Variants in SNN observed in about 807,000 individuals in gnomAD.
The protein encoded by SNN is stannin, also known as AG8_1.
SNN carries 5 observed loss-of-function variants against 5.3 expected under a neutral mutation model. The ratio of observed to expected loss-of-function variants is 0.94; its 90% confidence interval spans 0.49 to 1.97. SNN has a LOEUF of 1.97. Ranked by LOEUF, SNN falls within the 30% of genes most tolerant of loss-of-function variation. The pLI, the probability that SNN is intolerant of heterozygous loss-of-function variation, is 0.01. For missense variants in SNN, 127 were observed against 121.6 expected (o/e 1.04, Z -0.21); for synonymous variants, 67 against 52.1 (o/e 1.29, Z -1.24).
chr16:11,676,124 T>A lies in SNN; in HGVS notation c.65T>A (p.Ile22Asn). ...ACAGTCATCGTCATCCTCATTGCCA[T>A]CGCGGCCCTGGGGGCCTTGATCCTG... ...VVTVIVILIA[I>N]AALGALILGC... Residue 22 changes from isoleucine to asparagine, a missense_variant, in exon 2 of 2, where the codon ATC becomes AAC. Ile to Asn is a moderately radical substitution (Grantham distance 149, BLOSUM62 -3). Coordinates refer to ENST00000329565, the MANE Select transcript of SNN (RefSeq NM_003498.6). 1 of 1,614,140 alleles carries A rather than the reference T, an allele frequency of 6.2e-7. No individual in the cohort carries two copies. The highest frequency in any genetic ancestry group is 8.5e-7 in the Non-Finnish European group (1 of 1,179,996).
At chr16:11,670,156 G>A (rs1238428518) in intron 1 of SNN, among the ~76,000 whole-genome samples, 1 of 152,004 alleles carries the variant, frequency 6.6e-6, no homozygotes, top group Non-Finnish European at 1.5e-5. Flanking sequence ...GGCAGGAAAC[G>A]TTTCTGGTTT....
chr16:11,678,925 GAA>G lies in SNN; in HGVS notation c.*2600_*2601del. 2.3e-6 allele frequency: 1 copy of G among 438,160 alleles called. No individual in the cohort carries two copies. The highest frequency in any genetic ancestry group is 4.2e-6 in the Non-Finnish European group (1 of 236,858). 27.1% of individuals were successfully genotyped at this position (438,160 alleles called of 1,614,324 possible). A position where few individuals can be genotyped will look rare whatever the true frequency, so the allele number is the denominator to read the frequency against. The stretch of plus-strand genomic sequence containing the variant: ...AAGCAACAGTGGGGGCACAGGGAGG[GAA>G]CTCTTGACACTGAGCCACTAAAATA... On this transcript the variant is annotated 3_prime_UTR_variant, in exon 2 of 2. Transcript: ENST00000329565.
chr16:11,674,010 G>A (rs2050282647), intron 1 of SNN, among the ~76,000 whole-genome samples: 1 of 152,208 alleles, frequency 6.6e-6, no homozygotes, highest in South Asian at 2.1e-4. Context: ...CAGACGCTGG[G>A]GGCGTTGACT....
chr16:11,673,547 G>A (rs2050279454), intron 1 of SNN, among the ~76,000 whole-genome samples: 1 of 152,224 alleles, frequency 6.6e-6, no homozygotes, highest in South Asian at 2.1e-4. Context: ...ATAGGTGCCA[G>A]CAATATCCAT....
chr16:11,673,433 C>T (rs1470047901), intron 1 of SNN, among the ~76,000 whole-genome samples: 2 of 152,310 alleles, frequency 1.3e-5, no homozygotes, highest in Non-Finnish European at 1.5e-5. Flanking sequence ...AGGGAAGGAG[C>T]CCGGCCGGGT....
rs1319653588 is a variant in SNN, at chr16:11,671,510, C to T, written c.-86+2970C>T. 4.6e-5 allele frequency among the ~76,000 whole-genome samples: 7 copies of T among 152,244 alleles called. No individual in the cohort carries two copies. Among genetic ancestry groups the T allele is most frequent in the Admixed American group, 2.0e-4 (3 of 15,282 alleles). On this transcript the variant is annotated intron_variant, in intron 1 of 1. Coordinates refer to ENST00000329565, the MANE Select transcript of SNN (RefSeq NM_003498.6). The surrounding 1 kb of genome is among the most constrained non-coding windows in gnomAD (Gnocchi z 4.7). ...GCTTTTTGCTTCACCTCCCTGCGTG[C>T]GCCTCAGTTTCCTCACCTGCCAGAT... is the stretch of plus-strand genomic sequence containing the variant.
intron 1 of SNN, among the ~76,000 whole-genome samples, chr16:11,675,491 T>C (rs972867575): frequency 1.3e-5 from 2 of 152,152 alleles, no homozygotes; most frequent in Non-Finnish European, 2.9e-5. Flanking sequence ...GGTCTCAAAC[T>C]CCTGGGCTCA....
intron 1 of SNN, among the ~76,000 whole-genome samples, chr16:11,670,336 T>G (rs2050259209): frequency 6.6e-6 from 1 of 152,040 alleles, no homozygotes. Flanking sequence ...GGGGGTGTTT[T>G]GCTGGTGGTG....
In SNN at chr16:11,678,843, G is replaced by T; in HGVS notation, c.*2517G>T. 3.9e-6 allele frequency: 1 copy of T among 257,936 alleles called. No individual in the cohort carries two copies. The highest frequency in any genetic ancestry group is 8.0e-6 in the Non-Finnish European group (1 of 124,476). 16.0% of individuals were successfully genotyped at this position (257,936 alleles called of 1,614,324 possible). A position where few individuals can be genotyped will look rare whatever the true frequency, so the allele number is the denominator to read the frequency against. ...GATTATTTTTGAATGCCCAACTGTT[G>T]CATTCAAGTTTTCTGACTAATAAGA... On this transcript the variant is annotated 3_prime_UTR_variant, in exon 2 of 2. Coordinates refer to ENST00000329565, the MANE Select transcript of SNN (RefSeq NM_003498.6).
intron 1 of SNN, among the ~76,000 whole-genome samples, chr16:11,675,591 C>T (rs551828092): frequency 6.6e-6 from 1 of 152,356 alleles, no homozygotes; most frequent in African/African-American, 2.4e-5. Context: ...AAACCCCCAT[C>T]TCTGGCCATT....
chr16:11,675,826 C>CTGGGTGAGCG (rs1221254483), intron 1 of SNN, 149 bp from the exon 2 acceptor site: 5 of 487,778 alleles, frequency 1.0e-5, no homozygotes, highest in Non-Finnish European at 1.8e-5. Context: ...TGAACAGGAG[C>CTGGGTGAGCG]TGGGTGAGCG....
chr16:11,669,216 G>A (rs1227430501), intron 1 of SNN, among the ~76,000 whole-genome samples: 2 of 152,252 alleles, frequency 1.3e-5, no homozygotes, highest in East Asian at 1.9e-4. Flanking sequence ...AGGGTGGAAC[G>A]GGAGGGTGCG....
At chr16:11,669,407 G>A (rs2050251896) in intron 1 of SNN, among the ~76,000 whole-genome samples, 1 of 152,272 alleles carries the variant, frequency 6.6e-6, no homozygotes, top group Non-Finnish European at 1.5e-5. Flanking sequence ...GAGGTAGGGA[G>A]AATGTGGCAT....
Position 11,671,259 on chromosome 16 carries a change from T to G in SNN, c.-86+2719T>G, listed in dbSNP as rs1030158004. Among the ~76,000 whole-genome samples the G allele has an allele frequency of 6.6e-6, 1 of 151,640 alleles. No individual in the cohort carries two copies. The highest frequency in any genetic ancestry group is 2.4e-5 in the African/African-American group (1 of 41,232). ...ATAGTGGGTGGGTGGGATCCGAGAG[T>G]CAGGACCCCCTTGGCAGAGGATGGC... On this transcript the variant is annotated intron_variant, in intron 1 of 1. Transcript: ENST00000329565. The surrounding 1 kb of genome is among the most constrained non-coding windows in gnomAD (Gnocchi z 4.7).
In SNN at chr16:11,677,958, C is replaced by G. The variant is rs1015579469; in HGVS notation, c.*1632C>G. ...GGGAGCTGTTCGTTTAAGCAGCATA[C>G]ACCTAAATTGGGGGTTTAAACATTA... On this transcript the variant is annotated 3_prime_UTR_variant, in exon 2 of 2. Transcript: ENST00000329565. This position sits in a 1 kb window ranked among gnomAD's most constrained non-coding sequence, Gnocchi z 4.2. The G allele has an allele frequency of 1.2e-5, 2 of 167,112 alleles. No homozygotes were observed. The highest frequency in any genetic ancestry group is 4.8e-5 in the African/African-American group (2 of 41,438). The allele number at this position is 167,112 out of a possible 1,614,324, so 10.4% of individuals were successfully genotyped here. A position where few individuals can be genotyped will look rare whatever the true frequency, so the allele number is the denominator to read the frequency against.
At chr16:11,675,247 CTTTTTTTTTTCTTTTTT>C (rs2050291790) in intron 1 of SNN, among the ~76,000 whole-genome samples, 1 of 136,816 alleles carries the variant, frequency 7.3e-6, no homozygotes, top group Non-Finnish European at 1.6e-5. Flanking sequence ...ATTTCTTTTT[CTTTTTTTTTTCTTTTTT>C]TTTTTTTTTT....
In SNN at chr16:11,672,410, G is replaced by C. The variant is rs558684469; in HGVS notation, c.-85-3565G>C. Among the ~76,000 whole-genome samples, 162 of 152,256 alleles carry C rather than the reference G, an allele frequency of 1.1e-3. No individual in the cohort carries two copies. The highest frequency in any genetic ancestry group is 3.8e-3 in the African/African-American group (158 of 41,546). On this transcript the variant is annotated intron_variant, in intron 1 of 1. Transcript: ENST00000329565. This position sits in a 1 kb window ranked among gnomAD's most constrained non-coding sequence, Gnocchi z 6.0. ...TCTGGGAGGGCAGCCTGCAAGAGGC[G>C]CCTTCTGAGAAAGTCCCGAATAGGA...
Position 11,676,007 on chromosome 16 carries a change from C to T in SNN, c.-53C>T, listed in dbSNP as rs974422063. 2.0e-6 allele frequency: 3 copies of T among 1,529,490 alleles called. No individual in the cohort carries two copies. Among genetic ancestry groups the T allele is most frequent in the South Asian group, 2.5e-5 (2 of 79,524 alleles). 94.7% of individuals were successfully genotyped at this position (1,529,490 alleles called of 1,614,324 possible). Reference sequence around the variant, plus strand: ...GTGTCCAGCCTGAGTTCCAGCCTCACTGAGTGGCCACCCCCAAAGTGCTGC... The same window carrying T: ...GTGTCCAGCCTGAGTTCCAGCCTCATTGAGTGGCCACCCCCAAAGTGCTGC... On this transcript the variant is annotated 5_prime_UTR_variant, in exon 2 of 2. Transcript: ENST00000329565.
chr16:11,668,653 C>T lies in SNN; in HGVS notation c.-86+113C>T, dbSNP rs1403125979. The T allele has an allele frequency of 8.0e-6, 1 of 125,710 alleles. No individual in the cohort carries two copies. Among genetic ancestry groups the T allele is most frequent in the Non-Finnish European group, 1.7e-5 (1 of 58,618 alleles). The allele number at this position is 125,710 out of a possible 1,614,324, so 7.8% of individuals were successfully genotyped here. ...GGCGCGCGCGGCGGCGGGGCCGGGCCGGGGTCTGCGGGCGGGGGAGGGGCG... is the reference window on the plus strand; with the variant it reads ...GGCGCGCGCGGCGGCGGGGCCGGGCTGGGGTCTGCGGGCGGGGGAGGGGCG... On this transcript the variant is annotated intron_variant, in intron 1 of 1. Coordinates refer to ENST00000329565, the MANE Select transcript of SNN (RefSeq NM_003498.6). The surrounding 1 kb of genome is among the most constrained non-coding windows in gnomAD (Gnocchi z 6.8).
Sources: gnomAD v4.1 joint callset for allele counts (sites outside exome capture counted in the v4.1 genomes callset) on GRCh38, gnomAD v4.1.1 for gene constraint, Gnocchi (gnomAD v3.1) non-coding constraint, MANE v1.5 for transcripts, NCBI Gene and HGNC (gene_info 2026-07-23, HGNC 2026-07-21) for gene names.